Variants in CHD1L observed in about 807,000 individuals in gnomAD.
CHD1L encodes the protein chromodomain helicase DNA binding protein 1 like.
In CHD1L, 118 loss-of-function variants were observed where a neutral mutation model predicts 115.9. That is an observed-to-expected ratio of 1.02 (90% CI 0.88 to 1.19). The LOEUF (loss-of-function observed/expected upper bound fraction) is 1.19. Ranked by LOEUF, CHD1L falls within the 50% of genes most tolerant of loss-of-function variation. The pLI is 0.00. For synonymous variants in CHD1L, 411 were observed against 387.1 expected (o/e 1.06, Z -0.72); for missense variants, 1,179 against 1,065.3 (o/e 1.11, Z -1.49).
intron 9 of CHD1L, 40 bp from the exon 10 acceptor site, chr1:147,268,742 C>T (rs1295984395): frequency 3.3e-6 from 5 of 1,523,496 alleles, no homozygotes; most frequent in African/African-American, 1.4e-5. Flanking sequence ...TCTGCCCTTA[C>T]TGAGGGCACA....
chr1:147,288,322 C>CATTAAGA (rs1452486110), intron 19 of CHD1L, among the ~76,000 whole-genome samples: 1 of 87,894 alleles, frequency 1.1e-5, no homozygotes, highest in Non-Finnish European at 2.1e-5. Flanking sequence ...GACCCTGTTT[C>CATTAAGA]AATAAAAAAA....
Position 147,287,154 on chromosome 1 carries a change from G to A in CHD1L, c.2222-481G>A, listed in dbSNP as rs147126311. On this transcript the variant is annotated intron_variant, in intron 18 of 22. Coordinates refer to ENST00000369258, the MANE Select transcript of CHD1L (RefSeq NM_004284.6). ...TGTGGTGCCTAGAACGATGCCTTAC[G>A]TGTAATACATGCTACCAAACGTTTG... Among the ~76,000 whole-genome samples, 382 of 152,264 alleles carry A rather than the reference G, an allele frequency of 2.5e-3. 1 individual carries two copies. Among genetic ancestry groups the A allele is most frequent in the African/African-American group, 8.9e-3 (369 of 41,534 alleles).
In CHD1L at chr1:147,272,277, G is replaced by T; in HGVS notation, c.1266G>T (p.Arg422Ser). 5 of 1,607,730 alleles carry T rather than the reference G, an allele frequency of 3.1e-6. No homozygotes were observed. Among genetic ancestry groups the T allele is most frequent in the Non-Finnish European group, 4.3e-6 (5 of 1,174,230 alleles). Residue 422 changes from arginine (R) to serine (S), a missense_variant, in exon 12 of 23, where the codon AGG becomes AGT. Coordinates refer to ENST00000369258, the MANE Select transcript of CHD1L (RefSeq NM_004284.6). ...QPIFVFLLST[R>S]AGGVGMNLTA... ...TTTTCGTTTTTCTCCTGAGTACTAG[G>T]GCAGGTAGGCTGCAAAGGCATTGAT...
the CHD1L span, among the ~76,000 whole-genome samples, chr1:147,199,117 G>C: frequency 3.9e-5 from 6 of 152,100 alleles, no homozygotes. Flanking sequence ...TTCTAGAAAA[G>C]AGTAGAATAT....
intron 5 of CHD1L, chr1:147,258,770 A>G (rs1173129911): frequency 6.6e-6 from 1 of 152,194 alleles, no homozygotes; most frequent in Non-Finnish European, 1.5e-5. Context: ...TTTCCTTTCC[A>G]TACCTACTAT....
chr1:147,202,067 G>C, the CHD1L span, among the ~76,000 whole-genome samples: 2 of 152,146 alleles, frequency 1.3e-5, no homozygotes, highest in Non-Finnish European at 2.9e-5. Context: ...AGGGAATTGA[G>C]GCCTAGAAAA....
upstream of CHD1L, among the ~76,000 whole-genome samples, chr1:147,239,917 T>C (rs376683225): frequency 2.6e-5 from 4 of 152,290 alleles, no homozygotes; most frequent in East Asian, 1.9e-4. Context: ...GAGACCAAGA[T>C]GCAAAAACCA....
At chr1:147,193,442 C>G in the CHD1L span, among the ~76,000 whole-genome samples, 1 of 151,950 alleles carries the variant, frequency 6.6e-6, no homozygotes, top group Non-Finnish European at 1.5e-5. Flanking sequence ...TTTTGTTGAT[C>G]CTTTCAAAAA....
the CHD1L span, among the ~76,000 whole-genome samples, chr1:147,219,948 C>T: frequency 4.0e-5 from 6 of 150,896 alleles, no homozygotes; most frequent in Admixed American, 4.0e-4. Context: ...AAGCAATTCT[C>T]CTGCCTCAGC....
chr1:147,181,708 C>A, the CHD1L span, among the ~76,000 whole-genome samples: 5 of 152,148 alleles, frequency 3.3e-5, no homozygotes, highest in Admixed American at 6.6e-5. Flanking sequence ...TGTTTTGATG[C>A]AGGCAGATAA....
the CHD1L span, among the ~76,000 whole-genome samples, chr1:147,181,943 G>A: frequency 6.6e-6 from 1 of 152,182 alleles, no homozygotes; most frequent in Non-Finnish European, 1.5e-5. Context: ...AGAGTGGGAT[G>A]CTTGAAATTG....
At chr1:147,190,159 C>T in the CHD1L span, 2 of 1,538,604 alleles carry the variant, frequency 1.3e-6, no homozygotes, top group African/African-American at 1.4e-5. Flanking sequence ...CATATATCTT[C>T]CTGGGAGAGT....
At chr1:147,265,765 A>G (rs1571853471) in intron 7 of CHD1L, among the ~76,000 whole-genome samples, 167 bp from the exon 8 acceptor site, 1 of 152,230 alleles carries the variant, frequency 6.6e-6, no homozygotes, top group African/African-American at 2.4e-5. Flanking sequence ...CAGAAAAAAG[A>G]TGATCCCAAT....
At position 147,250,566 on chromosome 1, in the gene CHD1L, C is replaced by T. The variant is rs587771071; in HGVS notation, c.128-2057C>T. Reference sequence around the variant, plus strand: ...AGGGGAAAGCTAAGGGGTAGGGCCTCGTTATTGGTTGGTGGGGATAAAAAT... The same window carrying T: ...AGGGGAAAGCTAAGGGGTAGGGCCTTGTTATTGGTTGGTGGGGATAAAAAT... On this transcript the variant is annotated intron_variant, in intron 1 of 22. Coordinates refer to ENST00000369258, the MANE Select transcript of CHD1L (RefSeq NM_004284.6). Among the ~76,000 whole-genome samples the T allele has an allele frequency of 7.9e-5, 12 of 152,156 alleles. No homozygotes were observed. The East Asian group carries it at 1.9e-3, about 25-fold the overall frequency.
intron 6 of CHD1L, 109 bp downstream of exon 6, chr1:147,260,027 T>TGCATGGGAAACATCTGTA: frequency 1.2e-6 from 1 of 812,392 alleles, no homozygotes; most frequent in Non-Finnish European, 1.9e-6. Context: ...AAACTACAGA[T>TGCATGGGAAACATCTGTA]GTTTCCCATG....
intron 10 of CHD1L, 97 bp downstream of exon 10, chr1:147,268,975 C>T: frequency 7.0e-6 from 5 of 712,668 alleles, no homozygotes; most frequent in Non-Finnish European, 1.1e-5. Flanking sequence ...TTCCAGTTTT[C>T]TTTTTTTTCT....
At chr1:147,259,177 T>G (rs1036655764) in intron 5 of CHD1L, 1 of 152,270 alleles carries the variant, frequency 6.6e-6, no homozygotes, top group Admixed American at 6.5e-5. Flanking sequence ...GTATTTGCTT[T>G]TATGACTGAA....
At chr1:147,187,273 C>T in the CHD1L span, 11 of 1,514,584 alleles carry the variant, frequency 7.3e-6, 1 homozygote, top group South Asian at 1.3e-4. Context: ...GAAACCATGG[C>T]CTGTCAATAA....
rs782340867 is a variant in CHD1L at position 147,284,431 on chromosome 1, G to A, written c.1786G>A (p.Val596Ile). ...KEDRKSFEQL[V>I]NLQKTLLEKA... is the part of the protein sequence containing the mutation. ...AGACAGAAAATCATTTGAACAACTG[G>A]TAAACCTTCAGAAAACCCTTTTGGA... Residue 596 changes from valine (V) to isoleucine (I), a missense_variant, in exon 16 of 23, where the codon GTA (valine) becomes ATA (isoleucine). Physicochemically the swap from Val to Ile is conservative, Grantham distance 29. Transcript: ENST00000369258. 6.2e-7 allele frequency: 1 copy of A among 1,612,502 alleles called. No individual in the cohort carries two copies. Among genetic ancestry groups the A allele is most frequent in the Non-Finnish European group, 8.5e-7 (1 of 1,179,342 alleles).
Sources: gnomAD v4.1 joint callset for allele counts (sites outside exome capture counted in the v4.1 genomes callset) on GRCh38, gnomAD v4.1.1 for gene constraint, MANE v1.5 for transcripts, NCBI Gene and HGNC (gene_info 2026-07-23, HGNC 2026-07-21) for gene names.